Variants in IMMP2L observed in about 807,000 individuals in gnomAD.
The protein encoded by IMMP2L is mitochondrial inner membrane protease subunit 2.
IMMP2L carries 18 observed loss-of-function variants against 19.3 expected under a neutral mutation model. That is an observed-to-expected ratio of 0.93 (90% confidence interval 0.64 to 1.38). The LOEUF (loss-of-function observed/expected upper bound fraction) is 1.38, where lower values mean the gene tolerates loss of function less well. IMMP2L is among the 40% of genes most tolerant of loss of function. IMMP2L has a pLI of 0.00. For synonymous variants in IMMP2L, 76 were observed against 73.0 expected (o/e 1.04, Z -0.21); for missense variants, 233 against 218.2 (o/e 1.07, Z -0.43).
intron 5 of IMMP2L, among the ~76,000 whole-genome samples, chr7:110,781,031 A>G (rs1181997902): frequency 6.6e-6 from 1 of 151,962 alleles, no homozygotes; most frequent in Non-Finnish European, 1.5e-5. Context: ...AAGATTTTAC[A>G]TATGTGTTCC....
chr7:110,956,755 T>C (rs1447678915), intron 4 of IMMP2L, among the ~76,000 whole-genome samples: 2 of 151,928 alleles, frequency 1.3e-5, no homozygotes, highest in African/African-American at 4.8e-5. Context: ...AAATGGTATT[T>C]CACCAAGACA....
chr7:111,389,492 T>G (rs1156540157), intron 3 of IMMP2L, among the ~76,000 whole-genome samples: 1 of 151,778 alleles, frequency 6.6e-6, no homozygotes, highest in Non-Finnish European at 1.5e-5. Context: ...ACTGAAGTAC[T>G]AAGGGAGTAC....
intron 3 of IMMP2L, among the ~76,000 whole-genome samples, chr7:111,074,925 C>CA (rs2129575733): frequency 6.6e-6 from 1 of 152,122 alleles, no homozygotes; most frequent in African/African-American, 2.4e-5. Flanking sequence ...GAGACTTTGG[C>CA]AACGTGCAAG....
At chr7:111,445,850 G>A (rs942467162) in intron 3 of IMMP2L, among the ~76,000 whole-genome samples, 6 of 152,176 alleles carry the variant, frequency 3.9e-5, no homozygotes, top group African/African-American at 7.2e-5. Flanking sequence ...GTGGGTGCGC[G>A]CACCGTGCGT....
intron 5 of IMMP2L, among the ~76,000 whole-genome samples, chr7:110,842,359 G>A (rs1285096376): frequency 2.0e-5 from 3 of 152,176 alleles, no homozygotes; most frequent in East Asian, 1.9e-4. Context: ...CAGATGGTGT[G>A]CTGTAACATA....
At chr7:111,007,412 C>G (rs1015241777) in intron 3 of IMMP2L, among the ~76,000 whole-genome samples, 24 of 152,096 alleles carry the variant, frequency 1.6e-4, no homozygotes, top group African/African-American at 5.6e-4. Flanking sequence ...CCATTTGACA[C>G]AGCTGATCAC....
chr7:111,455,443 T>A (rs1839597928), intron 3 of IMMP2L, among the ~76,000 whole-genome samples: 1 of 152,114 alleles, frequency 6.6e-6, no homozygotes, highest in Admixed American at 6.6e-5. Flanking sequence ...TGACTTTTGA[T>A]CCACCTTCCA....
At chr7:111,393,218 G>A (rs1387518802) in intron 3 of IMMP2L, among the ~76,000 whole-genome samples, 1 of 151,430 alleles carries the variant, frequency 6.6e-6, no homozygotes. Context: ...TAATAACTCA[G>A]GAAATTCCAA....
chr7:110,679,422 C>G (rs542182869), intron 5 of IMMP2L, among the ~76,000 whole-genome samples: 7 of 152,238 alleles, frequency 4.6e-5, no homozygotes, highest in Admixed American at 4.6e-4. Flanking sequence ...TGTTTTCCTT[C>G]TAGTAGCTGA....
At chr7:111,431,915 A>C (rs752372856) in intron 3 of IMMP2L, among the ~76,000 whole-genome samples, 10 of 151,446 alleles carry the variant, frequency 6.6e-5, no homozygotes, top group Non-Finnish European at 1.5e-4. Flanking sequence ...ACTTTTTCCA[A>C]ACTTTCCTCA....
intron 3 of IMMP2L, among the ~76,000 whole-genome samples, chr7:111,119,093 A>G (rs1238907542): frequency 1.3e-5 from 2 of 152,212 alleles, no homozygotes; most frequent in African/African-American, 4.8e-5. Flanking sequence ...TAGTTAACTT[A>G]AAGAAGGATA....
chr7:111,138,001 G>GT lies in IMMP2L; in HGVS notation c.240-174437_240-174436insA, dbSNP rs577077886. 5.4e-3 allele frequency among the ~76,000 whole-genome samples: 814 copies of GT among 151,934 alleles called. 15 individuals carry two copies. The highest frequency in any genetic ancestry group is 0.019 in the African/African-American group (780 of 41,404). On this transcript the variant is annotated intron_variant, in intron 3 of 5. Transcript: ENST00000405709. ...CACCACACCCAGCTAATTTTTGTGG[G>GT]GTTTTTTTTGTACAAATGGGGTTTC...
intron 3 of IMMP2L, among the ~76,000 whole-genome samples, chr7:111,108,701 ATATT>A (rs1336159302): frequency 6.6e-6 from 1 of 152,150 alleles, no homozygotes; most frequent in African/African-American, 2.4e-5. Flanking sequence ...TAAAAAAAAC[ATATT>A]TATTTCTGTT....
chr7:111,471,235 ACAT>A (rs1460441447), intron 3 of IMMP2L, among the ~76,000 whole-genome samples: 1 of 152,130 alleles, frequency 6.6e-6, no homozygotes, highest in African/African-American at 2.4e-5. Context: ...TTGGAAATAA[ACAT>A]CAGTACTCTT....
chr7:110,937,124 C>G (rs1816205651), intron 4 of IMMP2L, among the ~76,000 whole-genome samples: 1 of 152,220 alleles, frequency 6.6e-6, no homozygotes, highest in South Asian at 2.1e-4. Context: ...ATGGGTGCAG[C>G]AAACCACCAT....
intron 3 of IMMP2L, among the ~76,000 whole-genome samples, chr7:110,990,210 A>T (rs1822307397): frequency 6.6e-6 from 1 of 152,206 alleles, no homozygotes; most frequent in Non-Finnish European, 1.5e-5. Context: ...AAATAAATTT[A>T]TAATTTCCTC....
chr7:111,295,417 A>T (rs539901865), intron 3 of IMMP2L, among the ~76,000 whole-genome samples: 10 of 152,014 alleles, frequency 6.6e-5, no homozygotes, highest in Admixed American at 3.3e-4. Context: ...AAGCCTTCAC[A>T]CATAGACTGT....
intron 3 of IMMP2L, among the ~76,000 whole-genome samples, chr7:111,291,466 T>C (rs1227356961): frequency 6.6e-6 from 1 of 152,184 alleles, no homozygotes; most frequent in African/African-American, 2.4e-5. Flanking sequence ...TTACAGAGCT[T>C]AGAGTGAAAG....
intron 3 of IMMP2L, among the ~76,000 whole-genome samples, chr7:111,478,678 G>A (rs376190681): frequency 1.8e-4 from 27 of 151,848 alleles, no homozygotes; most frequent in Admixed American, 5.3e-4. Flanking sequence ...CTCCCACCTC[G>A]GCCTCCCAAA....
Sources: allele counts gnomAD v4.1 joint callset (sites outside exome capture counted in the v4.1 genomes callset), GRCh38; gene constraint gnomAD v4.1.1; transcripts MANE v1.5; gene names NCBI Gene and HGNC (gene_info 2026-07-23, HGNC 2026-07-21).